PRKCA: variants seen among roughly 807,000 people sequenced by gnomAD.
The protein encoded by PRKCA is protein kinase C alpha.
In PRKCA, 27 loss-of-function variants were observed where a neutral mutation model predicts 87.0. The observed-to-expected ratio is 0.31, with a 90% CI of 0.23 to 0.43. PRKCA has a LOEUF of 0.43. PRKCA is among the 20% of genes least tolerant of loss of function. The pLI is 1.00. For synonymous variants in PRKCA, 329 were observed against 311.1 expected (o/e 1.06, Z -0.61); for missense variants, 518 against 852.3 (o/e 0.61, Z 4.88).
rs568656752 is a variant in PRKCA at position 66,343,156 on chromosome 17, T to G, written c.205+37029T>G. Among the ~76,000 whole-genome samples, 12 of 152,296 alleles carry G rather than the reference T, an allele frequency of 7.9e-5. No individual in the cohort carries two copies. In the South Asian group the frequency reaches 2.3e-3, roughly 29 times the overall value. On this transcript the variant is annotated intron_variant, in intron 2 of 16. Transcript: ENST00000413366. ...ATTAGGGGAGAGGGAGCATCTTGTT[T>G]GGTTTACCGTGCTGACCATAGGTTA...
intron 2 of PRKCA, among the ~76,000 whole-genome samples, chr17:66,492,390 T>C (rs1162021314): frequency 3.9e-5 from 6 of 152,186 alleles, no homozygotes; most frequent in African/African-American, 1.4e-4. Context: ...GATACATAAT[T>C]GCATTGACCT....
chr17:66,672,739 C>A (rs1972225196), intron 5 of PRKCA, among the ~76,000 whole-genome samples: 1 of 152,146 alleles, frequency 6.6e-6, no homozygotes, highest in Admixed American at 6.5e-5. Context: ...TAAATAAATT[C>A]TGATTAGCCA....
intron 2 of PRKCA, among the ~76,000 whole-genome samples, chr17:66,353,026 T>C (rs1265936864): frequency 1.3e-5 from 2 of 152,206 alleles, no homozygotes; most frequent in African/African-American, 4.8e-5. Flanking sequence ...TTTTAGTCTG[T>C]CAAGAGTTAT....
Position 66,587,865 on chromosome 17 carries a change from A to ATGTGTGTGTGTGTGTGTG in PRKCA, c.289-53487_289-53486insGTGTGTGTGTGTGTGTGT, listed in dbSNP as rs763898815. 3.0e-4 allele frequency among the ~76,000 whole-genome samples: 17 copies of ATGTGTGTGTGTGTGTGTG among 56,544 alleles called. 1 individual carries two copies. The highest frequency in any genetic ancestry group is 8.8e-4 in the African/African-American group (15 of 17,084). The allele number at this position is 56,544 out of a possible 152,430, so 37.1% of individuals were successfully genotyped here. A position where few individuals can be genotyped will look rare whatever the true frequency, so the allele number is the denominator to read the frequency against. ...TGTATCTACATATACATATATACAT[A>ATGTGTGTGTGTGTGTGTG]TGTATGTGTGTGTGTGTGTGTGTGT... On this transcript the variant is annotated intron_variant, in intron 3 of 16. Transcript: ENST00000413366.
chr17:66,505,428 C>G (rs1343085086), intron 3 of PRKCA, among the ~76,000 whole-genome samples: 1 of 152,144 alleles, frequency 6.6e-6, no homozygotes, highest in Non-Finnish European at 1.5e-5. Context: ...CCATTTTCAC[C>G]AGTGTTTGGA....
intron 3 of PRKCA, among the ~76,000 whole-genome samples, chr17:66,611,974 G>A (rs1258954897): frequency 3.3e-5 from 5 of 151,990 alleles, no homozygotes; most frequent in Non-Finnish European, 7.4e-5. Flanking sequence ...TCTTTGGAGA[G>A]CATGTATTCA....
At chr17:66,402,639 G>A (rs1011028924) in intron 2 of PRKCA, among the ~76,000 whole-genome samples, 1 of 152,076 alleles carries the variant, frequency 6.6e-6, no homozygotes, top group East Asian at 1.9e-4. Flanking sequence ...TGAGGTACAA[G>A]GATGTCAAGT....
At chr17:66,543,529 T>C (rs1432183978) in intron 3 of PRKCA, among the ~76,000 whole-genome samples, 3 of 152,194 alleles carry the variant, frequency 2.0e-5, no homozygotes, top group Non-Finnish European at 4.4e-5. Flanking sequence ...TTTTGAACAT[T>C]AAATTTATAT....
chr17:66,737,196 CAAAAAAA>C (rs59025976), intron 10 of PRKCA, among the ~76,000 whole-genome samples: 89 of 125,314 alleles, frequency 7.1e-4, no homozygotes, highest in Middle Eastern at 4.9e-3. Flanking sequence ...ACTAAATATA[CAAAAAAA>C]AAAAAAAAAA....
rs552633887 is a variant in PRKCA at position 66,709,301 on chromosome 17, C to CTTTTTTTT, written c.918+20274_918+20281dup. On this transcript the variant is annotated intron_variant, in intron 8 of 16. Coordinates refer to ENST00000413366, the MANE Select transcript of PRKCA (RefSeq NM_002737.3). ...AGAGAAGTCTCTTTTGAGATGATTT[C>CTTTTTTTT]TTTTTTTTTTTTTTTTTTTTTTTTT... is the stretch of plus-strand genomic sequence containing the variant. Among the ~76,000 whole-genome samples the CTTTTTTTT allele has an allele frequency of 2.9e-4, 25 of 84,906 alleles. 1 individual carries two copies. The highest frequency in any genetic ancestry group is 7.8e-4 in the African/African-American group (16 of 20,638). The allele number at this position is 84,906 out of a possible 152,430, so 55.7% of individuals were successfully genotyped here.
At chr17:66,720,549 C>T (rs1181731078) in intron 8 of PRKCA, among the ~76,000 whole-genome samples, 2 of 152,208 alleles carry the variant, frequency 1.3e-5, no homozygotes, top group Non-Finnish European at 2.9e-5. Context: ...TCTTAACTAA[C>T]GTTGCAGTGG....
At chr17:66,443,084 A>C (rs1010014810) in intron 2 of PRKCA, among the ~76,000 whole-genome samples, 3 of 152,166 alleles carry the variant, frequency 2.0e-5, no homozygotes, top group African/African-American at 4.8e-5. Flanking sequence ...GGTTAGTAGA[A>C]ACCTTATTTT....
At chr17:66,709,589 A>G (rs1973274034) in intron 8 of PRKCA, among the ~76,000 whole-genome samples, 1 of 151,884 alleles carries the variant, frequency 6.6e-6, no homozygotes, top group African/African-American at 2.4e-5. Context: ...GATTACAGGC[A>G]TGAGCCACCA....
intron 5 of PRKCA, among the ~76,000 whole-genome samples, chr17:66,668,013 C>T (rs954038124): frequency 2.0e-5 from 3 of 152,152 alleles, no homozygotes; most frequent in Non-Finnish European, 4.4e-5. Context: ...CCCGTTAGCC[C>T]AGTGGTCAAG....
intron 3 of PRKCA, among the ~76,000 whole-genome samples, chr17:66,620,907 A>G (rs561511949): frequency 1.3e-5 from 2 of 152,338 alleles, no homozygotes; most frequent in East Asian, 3.9e-4. Flanking sequence ...AGCATCTGAA[A>G]ATAACTCAGC....
intron 8 of PRKCA, among the ~76,000 whole-genome samples, chr17:66,708,105 A>G (rs756203855): frequency 3.3e-5 from 5 of 152,188 alleles, no homozygotes; most frequent in African/African-American, 7.2e-5. Context: ...GACTGTCGCC[A>G]TGATGTACAC....
At chr17:66,759,243 G>C (rs556540624) in intron 13 of PRKCA, among the ~76,000 whole-genome samples, 1 of 151,612 alleles carries the variant, frequency 6.6e-6, no homozygotes, top group African/African-American at 2.4e-5. Flanking sequence ...GTAGTCCCAG[G>C]TACTCGGGAG....
intron 2 of PRKCA, among the ~76,000 whole-genome samples, chr17:66,376,690 G>A (rs539777459): frequency 3.9e-5 from 6 of 152,224 alleles, no homozygotes; most frequent in South Asian, 2.1e-4. Flanking sequence ...CCCCTGGCCC[G>A]AGGGTTGGAG....
chr17:66,610,470 T>C (rs918436915), intron 3 of PRKCA, among the ~76,000 whole-genome samples: 3 of 152,172 alleles, frequency 2.0e-5, no homozygotes, highest in Non-Finnish European at 4.4e-5. Flanking sequence ...TAGTCATGGC[T>C]TGGTCTTTCC....
Sources: allele counts gnomAD v4.1 joint callset (sites outside exome capture counted in the v4.1 genomes callset), GRCh38; gene constraint gnomAD v4.1.1; transcripts MANE v1.5; gene names NCBI Gene and HGNC (gene_info 2026-07-23, HGNC 2026-07-21).